NAV2: variants seen among roughly 807,000 people sequenced by gnomAD.
NAV2 encodes helicase, APC down-regulated 1.
Under a neutral mutation model 223.2 loss-of-function variants are expected in NAV2, and 54 were observed. That is an observed-to-expected ratio of 0.24 (90% CI 0.19 to 0.30). The LOEUF (loss-of-function observed/expected upper bound fraction) is 0.30, where lower values mean the gene tolerates loss of function less well. NAV2 is among the 10% of genes least tolerant of loss of function. NAV2 has a pLI of 1.00. For missense variants in NAV2, 2,806 were observed against 3,147.5 expected (o/e 0.89, Z 2.60); for synonymous variants, 1,279 against 1,239.3 (o/e 1.03, Z -0.67).
At chr11:20,076,497 A>G (rs990010042) in intron 22 of NAV2, among the ~76,000 whole-genome samples, 1 of 152,240 alleles carries the variant, frequency 6.6e-6, no homozygotes, top group Non-Finnish European at 1.5e-5. Context: ...ATTGGAGATT[A>G]GAAGATCCTA....
intron 5 of NAV2, among the ~76,000 whole-genome samples, chr11:19,887,653 A>G (rs985031832): frequency 5.3e-5 from 8 of 152,184 alleles, no homozygotes; most frequent in Non-Finnish European, 1.0e-4. Flanking sequence ...CATCTGGGTC[A>G]GGTAAGGCAA....
chr11:19,618,855 A>G (rs2046894768), intron 1 of NAV2, among the ~76,000 whole-genome samples: 1 of 151,500 alleles, frequency 6.6e-6, no homozygotes. Flanking sequence ...CCCAGAGAAG[A>G]GAGACCCACT....
intron 1 of NAV2, among the ~76,000 whole-genome samples, chr11:19,487,046 A>G (rs1340256715): frequency 1.3e-5 from 2 of 152,192 alleles, no homozygotes; most frequent in East Asian, 1.9e-4. Flanking sequence ...AGACCAAAGA[A>G]TAGGGCTCAG....
chr11:19,528,139 C>A (rs929851596), intron 1 of NAV2, among the ~76,000 whole-genome samples: 6 of 152,188 alleles, frequency 3.9e-5, no homozygotes, highest in African/African-American at 1.4e-4. Flanking sequence ...AGCACACTCC[C>A]AGTGCTTCTT....
chr11:19,562,842 A>G (rs1343729283), intron 1 of NAV2, among the ~76,000 whole-genome samples: 2 of 152,212 alleles, frequency 1.3e-5, no homozygotes, highest in Non-Finnish European at 2.9e-5. Flanking sequence ...AGTTCCATTC[A>G]GAGCCAATCA....
At chr11:19,662,899 C>G (rs1346355276) in intron 1 of NAV2, among the ~76,000 whole-genome samples, 1 of 152,216 alleles carries the variant, frequency 6.6e-6, no homozygotes, top group Non-Finnish European at 1.5e-5. Context: ...CTAGGGCCTT[C>G]CTGACTCACA....
intron 1 of NAV2, among the ~76,000 whole-genome samples, chr11:19,639,386 T>C (rs1233627677): frequency 6.6e-6 from 1 of 152,202 alleles, no homozygotes; most frequent in Non-Finnish European, 1.5e-5. Context: ...TGGGGGCCCC[T>C]GGAGCCCCCT....
At chr11:19,691,555 A>G (rs2049174576) in intron 1 of NAV2, among the ~76,000 whole-genome samples, 1 of 151,736 alleles carries the variant, frequency 6.6e-6, no homozygotes, top group African/African-American at 2.4e-5. Context: ...CATCTTTTTT[A>G]TTTTTATTTT....
chr11:19,921,187 A>C (rs1452509928), intron 6 of NAV2, among the ~76,000 whole-genome samples: 2 of 152,204 alleles, frequency 1.3e-5, no homozygotes, highest in African/African-American at 4.8e-5. Flanking sequence ...TCTGATACTA[A>C]GTGTCTGCAT....
At chr11:19,868,538 G>A (rs1450925363) in intron 3 of NAV2, among the ~76,000 whole-genome samples, 1 of 152,210 alleles carries the variant, frequency 6.6e-6, no homozygotes, top group Non-Finnish European at 1.5e-5. Context: ...ACATTTGACT[G>A]CCTGCCTCTT....
chr11:19,657,721 T>C (rs966926695), intron 1 of NAV2, among the ~76,000 whole-genome samples: 3 of 152,158 alleles, frequency 2.0e-5, no homozygotes, highest in African/African-American at 7.2e-5. Flanking sequence ...TCTACTGCTC[T>C]GCGGCTCCAG....
intron 3 of NAV2, among the ~76,000 whole-genome samples, chr11:19,859,548 A>G (rs1565441819): frequency 6.6e-6 from 1 of 151,226 alleles, no homozygotes. Flanking sequence ...CTCTTTCTAC[A>G]CAGACACGGC....
At chr11:19,969,344 G>A (rs10833209) in intron 10 of NAV2, among the ~76,000 whole-genome samples, 96,676 of 151,482 alleles carry the variant, frequency 0.64, 31,931 homozygotes, top group Middle Eastern at 0.74. Flanking sequence ...GACCCGGAAG[G>A]CCCACATCTT....
intron 1 of NAV2, among the ~76,000 whole-genome samples, chr11:19,589,660 G>A (rs2046000789): frequency 1.3e-5 from 2 of 152,190 alleles, no homozygotes; most frequent in African/African-American, 2.4e-5. Context: ...ATCTAGAGCA[G>A]CAGGTGGGAA....
chr11:20,070,476 C>T (rs551941017), intron 22 of NAV2, among the ~76,000 whole-genome samples: 14 of 152,226 alleles, frequency 9.2e-5, no homozygotes, highest in Non-Finnish European at 1.9e-4. Context: ...TGGAACTCTG[C>T]TCTCTGTTCT....
intron 1 of NAV2, among the ~76,000 whole-genome samples, chr11:19,462,039 C>T (rs1282258150): frequency 6.6e-6 from 1 of 152,190 alleles, no homozygotes; most frequent in Admixed American, 6.5e-5. Context: ...GAGCTCCTGA[C>T]CTCACGTCAT....
At chr11:19,424,167 AT>A (rs34946593) in intron 1 of NAV2, among the ~76,000 whole-genome samples, 2 of 152,200 alleles carry the variant, frequency 1.3e-5, no homozygotes, top group Non-Finnish European at 2.9e-5. Context: ...TTTTTAATTA[AT>A]TTTTGTGTAA....
At chr11:19,864,691 C>T (rs967565924) in intron 3 of NAV2, among the ~76,000 whole-genome samples, 2 of 152,168 alleles carry the variant, frequency 1.3e-5, no homozygotes, top group Non-Finnish European at 1.5e-5. Flanking sequence ...AGAAACTAAA[C>T]TTTGGGATGG....
intron 19 of NAV2, among the ~76,000 whole-genome samples, chr11:20,060,598 G>A (rs2058641221): frequency 6.6e-6 from 1 of 152,208 alleles, no homozygotes; most frequent in Admixed American, 6.5e-5. Flanking sequence ...GCTGCTAAGA[G>A]AGAAGAGGGC....
Sources: gnomAD v4.1 joint callset for allele counts (sites outside exome capture counted in the v4.1 genomes callset) on GRCh38, gnomAD v4.1.1 for gene constraint, MANE v1.5 for transcripts, NCBI Gene and HGNC (gene_info 2026-07-23, HGNC 2026-07-21) for gene names.